The following TMEM253 variants were observed in gnomAD, a reference collection of about 807,000 sequenced individuals.
TMEM253 encodes the protein transmembrane protein C14orf176.
A neutral mutation model predicts 20.3 loss-of-function variants in TMEM253; 22 were observed. The observed-to-expected ratio is 1.08, with a 90% CI of 0.78 to 1.55. TMEM253 has a LOEUF of 1.55. Ranked by LOEUF, TMEM253 falls within the 40% of genes most tolerant of loss-of-function variation. The pLI, the probability that TMEM253 is intolerant of heterozygous loss-of-function variation, is 0.00. For synonymous variants in TMEM253, 92 were observed against 102.6 expected, an observed-to-expected ratio of 0.90 and a Z score of 0.62; for missense variants, 251 against 266.1, an observed-to-expected ratio of 0.94 and a Z score of 0.39.
At chr14:21,103,143 T>C in exon 7 of TMEM253, 1 of 1,551,722 alleles carries the variant, frequency 6.4e-7, no homozygotes, top group Non-Finnish European at 8.7e-7. Flanking sequence ...TTTCAGGGCT[T>C]CTCTGAGTTG....
chr14:21,101,550 G>A (rs751385620), intron 2 of TMEM253, 99 bp downstream of exon 2: 79 of 1,161,558 alleles, frequency 6.8e-5, no homozygotes, highest in Non-Finnish European at 9.3e-5. Context: ...CACCTACCAT[G>A]TGCCAGAAAC....
intron 4 of TMEM253, 49 bp from the exon 5 acceptor site, chr14:21,102,356 T>C (rs1440504860): frequency 3.2e-6 from 5 of 1,542,874 alleles, no homozygotes; most frequent in Non-Finnish European, 4.4e-6. Context: ...GGGATTGAGG[T>C]TGGAATGACT....
chr14:21,099,626 T>G (rs1373238293), upstream of TMEM253, among the ~76,000 whole-genome samples: 1 of 152,198 alleles, frequency 6.6e-6, no homozygotes, highest in Non-Finnish European at 1.5e-5. Context: ...TCTGGCGCAG[T>G]CTCCTCTTAT....
upstream of TMEM253, chr14:21,099,232 C>G (rs1278350945): frequency 6.4e-6 from 1 of 156,376 alleles, no homozygotes. Context: ...TCAATATTTA[C>G]TGAATGCCTG....
rs368217898 is a variant in TMEM253 at position 21,103,098 on chromosome 14, C to T, written c.535-41C>T. The T allele has an allele frequency of 8.6e-5, 133 of 1,551,512 alleles. 2 individuals carry two copies. The East Asian group carries it at 2.2e-3, about 25-fold the overall frequency. On this transcript the variant is annotated intron_variant, in intron 6 of 6. Coordinates refer to ENST00000556585, the Ensembl canonical transcript of TMEM253. The stretch of plus-strand genomic sequence containing the variant: ...TGTTTCTGTCTGGGGTTTCTCCTTT[C>T]TCACCTCTACAATTTGCTCACACCT...
exon 7 of TMEM253, chr14:21,103,534 T>C (rs1889784438): frequency 2.4e-6 from 1 of 422,930 alleles, no homozygotes; most frequent in Non-Finnish European, 4.2e-6. Context: ...TTTTCTTTTC[T>C]GTCCACCTTT....
intron 4 of TMEM253, 60 bp downstream of exon 4, chr14:21,102,180 C>G: frequency 6.6e-7 from 1 of 1,508,140 alleles, no homozygotes; most frequent in Non-Finnish European, 8.9e-7. Flanking sequence ...ACCTACAACC[C>G]TCAGCCTAGG....
intron 2 of TMEM253, 200 bp downstream of exon 2, chr14:21,101,651 G>A: frequency 1.5e-6 from 1 of 652,482 alleles, no homozygotes; most frequent in Non-Finnish European, 2.6e-6. Context: ...TCCATCTTGT[G>A]GGGGAAAACA....
At chr14:21,101,924 G>T (rs1889661321) in exon 3 of TMEM253, 1 of 1,551,480 alleles carries the variant, frequency 6.4e-7, no homozygotes, top group Non-Finnish European at 8.7e-7. Context: ...TCGCCTGCCT[G>T]AACTCTGATT....
chr14:21,098,843 C>T, upstream of TMEM253: 1 of 1,287,986 alleles, frequency 7.8e-7, no homozygotes, highest in South Asian at 1.2e-5. Context: ...GCTCTTTCTG[C>T]CCCAACATGC....
At position 21,102,519 on chromosome 14, in the gene TMEM253, C is replaced by T. The variant is rs1889707012; in HGVS notation, c.387+4C>T. On this transcript the variant is annotated splice_donor_region_variant and intron_variant, in intron 5 of 6. Transcript: ENST00000556585. ...TGCCCCAACTGCCTCCTCCCAGGTA[C>T]TGGTCAATGAAGGAGAAGGTGGGAG... The T allele has an allele frequency of 1.3e-6, 2 of 1,551,572 alleles. No individual in the cohort carries two copies. The highest frequency in any genetic ancestry group is 1.4e-5 in the African/African-American group (1 of 73,004).
At position 21,101,756 on chromosome 14, in the gene TMEM253, C is replaced by T; in HGVS notation, c.109-109C>T. Reference sequence around the variant, plus strand: ...GTCCTTGCTCTGGGTTGACTGCTTTCCTCCACCCTGCATTCAATCCCATTT... The same window carrying T: ...GTCCTTGCTCTGGGTTGACTGCTTTTCTCCACCCTGCATTCAATCCCATTT... On this transcript the variant is annotated intron_variant, in intron 2 of 6. Coordinates refer to ENST00000556585, the Ensembl canonical transcript of TMEM253. 6 of 865,506 alleles carry T rather than the reference C, an allele frequency of 6.9e-6. No homozygotes were observed. The South Asian group carries it at 8.7e-5, about 13-fold the overall frequency. 53.6% of individuals were successfully genotyped at this position (865,506 alleles called of 1,614,324 possible).
rs1419662432 is a variant in TMEM253, at chr14:21,103,433, C to T, written c.*175C>T. 9.4e-6 allele frequency: 10 copies of T among 1,067,356 alleles called. No individual in the cohort carries two copies. In the Admixed American group the frequency reaches 3.0e-4, roughly 32 times the overall value. The allele number at this position is 1,067,356 out of a possible 1,614,324, so 66.1% of individuals were successfully genotyped here. A position where few individuals can be genotyped will look rare whatever the true frequency, so the allele number is the denominator to read the frequency against. On this transcript the variant is annotated 3_prime_UTR_variant, in exon 7 of 7. Transcript: ENST00000556585. ...CACCTGGACGAGAATATATCCTCAC[C>T]TCACCACCCTGAAAAGCTGCTTTCT...
upstream of TMEM253, among the ~76,000 whole-genome samples, chr14:21,099,774 A>C (rs1234679739): frequency 6.6e-6 from 1 of 152,232 alleles, no homozygotes; most frequent in Non-Finnish European, 1.5e-5. Flanking sequence ...TTCCTTTTAT[A>C]GATAAGGGAA....
exon 7 of TMEM253, chr14:21,103,142 T>C (rs943797682): frequency 1.3e-6 from 2 of 1,551,724 alleles, no homozygotes; most frequent in African/African-American, 1.4e-5. Flanking sequence ...TTTTCAGGGC[T>C]TCTCTGAGTT....
intron 3 of TMEM253, 36 bp downstream of exon 3, chr14:21,102,011 G>A: frequency 6.4e-7 from 1 of 1,550,396 alleles, no homozygotes; most frequent in South Asian, 1.2e-5. Context: ...GAAGGTCCCA[G>A]GGCCCCTTCC....
chr14:21,103,332 T>C (rs1186097791), exon 7 of TMEM253: 6 of 1,495,794 alleles, frequency 4.0e-6, no homozygotes, highest in East Asian at 2.5e-5. Context: ...TCGAGTCCAA[T>C]AGGAAGTCCG....
exon 7 of TMEM253, chr14:21,103,231 G>C: frequency 6.4e-7 from 1 of 1,551,646 alleles, no homozygotes; most frequent in African/African-American, 1.4e-5. Flanking sequence ...AGCGGGAACA[G>C]ACACGTGCTG....
chr14:21,101,643 C>G lies in TMEM253; in HGVS notation c.108+192C>G, dbSNP rs750383919. ...GACCCTTAATCTCCCAAGTAGCTTC[C>G]ATCTTGTGGGGGAAAACATACAGGT... On this transcript the variant is annotated intron_variant, in intron 2 of 6. Coordinates refer to ENST00000556585, the Ensembl canonical transcript of TMEM253. The G allele has an allele frequency of 1.4e-4, 93 of 657,616 alleles. 1 individual carries two copies. Among genetic ancestry groups the G allele is most frequent in the Non-Finnish European group, 2.2e-4 (85 of 389,522 alleles). The allele number at this position is 657,616 out of a possible 1,614,324, so 40.7% of individuals were successfully genotyped here.
Sources: gnomAD v4.1 joint callset for allele counts (sites outside exome capture counted in the v4.1 genomes callset) on GRCh38, gnomAD v4.1.1 for gene constraint, MANE v1.5 for transcripts, NCBI Gene and HGNC (gene_info 2026-07-23, HGNC 2026-07-21) for gene names.